BMP2K: variants seen among roughly 807,000 people sequenced by gnomAD.
The protein encoded by BMP2K is BMP-2-inducible protein kinase.
In BMP2K, 74 loss-of-function variants were observed where a neutral mutation model predicts 116.0. That is an observed-to-expected ratio of 0.64 (90% CI 0.53 to 0.77). BMP2K has a LOEUF of 0.77. BMP2K is among the 30% of genes least tolerant of loss of function. BMP2K has a pLI of 0.00. For synonymous variants in BMP2K, 486 were observed against 502.5 expected (o/e 0.97, Z 0.44); for missense variants, 1,365 against 1,403.6 (o/e 0.97, Z 0.44).
rs566440493 is a variant in BMP2K at position 78,861,445 on chromosome 4, T to C, written c.1044T>C (p.Ala348=). The change falls in exon 9 of 16, where the codon GCT becomes GCC. Residue 348 remains alanine, a synonymous_variant. Coordinates refer to ENST00000502613, the MANE Select transcript of BMP2K (RefSeq NM_198892.2). The part of the protein sequence containing the change: ...PEPMTASEAA[A]RKSQIKARIT... Reference sequence around the variant, plus strand: ...CGATGACTGCTAGTGAAGCAGCTGCTAGGAAAAGCCAAATAAAAGCCAGGT... The same window carrying C: ...CGATGACTGCTAGTGAAGCAGCTGCCAGGAAAAGCCAAATAAAAGCCAGGT... The C allele has an allele frequency of 6.2e-7, 1 of 1,609,266 alleles. No homozygotes were observed. The highest frequency in any genetic ancestry group is 1.1e-5 in the South Asian group (1 of 90,614).
chr4:78,875,480 TTAAAA>T (rs1269663672), intron 13 of BMP2K, among the ~76,000 whole-genome samples: 6 of 152,220 alleles, frequency 3.9e-5, no homozygotes, highest in Non-Finnish European at 8.8e-5. Context: ...CCAATAATAG[TTAAAA>T]TAAACATCAT....
intron 1 of BMP2K, among the ~76,000 whole-genome samples, chr4:78,786,446 TG>T (rs1727736216): frequency 6.7e-6 from 1 of 149,918 alleles, no homozygotes; most frequent in Non-Finnish European, 1.5e-5. Context: ...TGTGTGTGTG[TG>T]TGTGTTTTGA....
intron 6 of BMP2K, among the ~76,000 whole-genome samples, chr4:78,850,377 A>G (rs1052618063): frequency 6.6e-6 from 1 of 151,886 alleles, no homozygotes; most frequent in Non-Finnish European, 1.5e-5. Context: ...AATTAGTATA[A>G]TGTACAGTAG....
At chr4:78,835,179 A>C (rs1730407492) in intron 3 of BMP2K, among the ~76,000 whole-genome samples, 1 of 152,208 alleles carries the variant, frequency 6.6e-6, no homozygotes, top group South Asian at 2.1e-4. Context: ...TTTTATTTTA[A>C]AGTAGAAGAA....
chr4:78,809,921 A>T (rs1355876558), intron 1 of BMP2K, among the ~76,000 whole-genome samples: 1 of 152,030 alleles, frequency 6.6e-6, no homozygotes, highest in African/African-American at 2.4e-5. Context: ...GTTTCTTTGC[A>T]TGTCTTATAA....
Position 78,805,394 on chromosome 4 carries a change from C to A in BMP2K, c.179-20643C>A, listed in dbSNP as rs899360725. 8.6e-5 allele frequency among the ~76,000 whole-genome samples: 13 copies of A among 151,840 alleles called. No homozygotes were observed. The East Asian group carries it at 2.3e-3, about 27-fold the overall frequency. On this transcript the variant is annotated intron_variant, in intron 1 of 15. Transcript: ENST00000502613. ...TCAGGTTGTTTTGGCTGTTTTGGGTCCTTTGAATTTTCATATGTATGTTTG... is the reference window on the plus strand; with the variant it reads ...TCAGGTTGTTTTGGCTGTTTTGGGTACTTTGAATTTTCATATGTATGTTTG...
intron 1 of BMP2K, among the ~76,000 whole-genome samples, chr4:78,803,048 C>T (rs1010196632): frequency 1.3e-5 from 2 of 151,936 alleles, no homozygotes; most frequent in African/African-American, 4.8e-5. Context: ...TGGGGTTTCA[C>T]CATGTTGGTT....
intron 10 of BMP2K, among the ~76,000 whole-genome samples, chr4:78,866,563 G>T (rs960191651): frequency 6.6e-6 from 1 of 152,046 alleles, no homozygotes; most frequent in Non-Finnish European, 1.5e-5. Flanking sequence ...CCTGATACAC[G>T]GTATGCCTTT....
intron 15 of BMP2K, among the ~76,000 whole-genome samples, chr4:78,894,097 T>C (rs566674463): frequency 1.3e-5 from 2 of 152,374 alleles, no homozygotes; most frequent in African/African-American, 4.8e-5. Context: ...AGATGTGATG[T>C]CATCCAGGCT....
chr4:78,787,510 T>G (rs1457115656), intron 1 of BMP2K, among the ~76,000 whole-genome samples: 2 of 152,176 alleles, frequency 1.3e-5, no homozygotes, highest in African/African-American at 4.8e-5. Flanking sequence ...GTCTAAAGTA[T>G]GTGCTTTGGA....
At chr4:78,826,822 G>T (rs1729896257) in intron 2 of BMP2K, among the ~76,000 whole-genome samples, 1 of 151,738 alleles carries the variant, frequency 6.6e-6, no homozygotes, top group African/African-American at 2.4e-5. Flanking sequence ...TTTCAGGATA[G>T]AAATATTTAC....
chr4:78,823,712 AT>A (rs1234349998), intron 1 of BMP2K, among the ~76,000 whole-genome samples: 1 of 151,748 alleles, frequency 6.6e-6, no homozygotes, highest in African/African-American at 2.4e-5. Flanking sequence ...TGGGGCCAGA[AT>A]TTGGAAACTG....
At chr4:78,866,249 T>C (rs928767296) in intron 10 of BMP2K, among the ~76,000 whole-genome samples, 1 of 152,202 alleles carries the variant, frequency 6.6e-6, no homozygotes, top group Non-Finnish European at 1.5e-5. Flanking sequence ...AAAAAATTTT[T>C]CCCCCCAAAG....
intron 14 of BMP2K, among the ~76,000 whole-genome samples, chr4:78,884,842 A>T (rs2110071917): frequency 6.6e-6 from 1 of 152,324 alleles, no homozygotes; most frequent in East Asian, 1.9e-4. Context: ...CTCCCACCAC[A>T]ATAAGTTAGG....
At chr4:78,898,697 G>T (rs1437489534) in intron 15 of BMP2K, among the ~76,000 whole-genome samples, 1 of 150,416 alleles carries the variant, frequency 6.6e-6, no homozygotes, top group Non-Finnish European at 1.5e-5. Flanking sequence ...AGTGTGGTCT[G>T]CAACAAAATG....
At chr4:78,818,835 C>T (rs1298615775) in intron 1 of BMP2K, among the ~76,000 whole-genome samples, 1 of 141,002 alleles carries the variant, frequency 7.1e-6, no homozygotes, top group East Asian at 2.1e-4. Flanking sequence ...CTTGCTTTGT[C>T]GCCCAGGCTG....
intron 3 of BMP2K, among the ~76,000 whole-genome samples, chr4:78,841,196 G>A (rs1482667944): frequency 1.3e-5 from 2 of 152,122 alleles, no homozygotes; most frequent in Non-Finnish European, 1.5e-5. Flanking sequence ...ATAATAAAAG[G>A]AACAAGTTTA....
chr4:78,909,134 C>G (rs1226312430), intron 15 of BMP2K, among the ~76,000 whole-genome samples: 2 of 144,110 alleles, frequency 1.4e-5, no homozygotes, highest in African/African-American at 5.2e-5. Context: ...TCTTGGCTCA[C>G]TGCAACCTCT....
chr4:78,834,575 G>A (rs982249435), intron 3 of BMP2K, among the ~76,000 whole-genome samples: 1 of 151,982 alleles, frequency 6.6e-6, no homozygotes, highest in African/African-American at 2.4e-5. Flanking sequence ...AAATTTTAAT[G>A]TGTGGAAAGG....
Sources: gnomAD v4.1 joint callset for allele counts (sites outside exome capture counted in the v4.1 genomes callset) on GRCh38, gnomAD v4.1.1 for gene constraint, MANE v1.5 for transcripts, NCBI Gene and HGNC (gene_info 2026-07-23, HGNC 2026-07-21) for gene names.